CCDC175: variants seen among roughly 807,000 people sequenced by gnomAD.
CCDC175 encodes the protein coiled-coil domain containing 175, also known as coiled-coil domain-containing protein 175.
A neutral mutation model predicts 114.6 loss-of-function variants in CCDC175; 100 were observed. The ratio of observed to expected loss-of-function variants is 0.87; its 90% CI spans 0.74 to 1.03. The LOEUF is 1.03. Among genes scored for constraint, CCDC175 ranks in the 50% least tolerant of loss-of-function variants. CCDC175 has a pLI of 0.00. For missense variants in CCDC175, 880 were observed against 917.8 expected, an observed-to-expected ratio of 0.96 and a Z score of 0.53; for synonymous variants, 306 against 308.7, an observed-to-expected ratio of 0.99 and a Z score of 0.09.
intron 17 of CCDC175, among the ~76,000 whole-genome samples, chr14:59,517,520 C>T (rs922262527): frequency 1.3e-5 from 2 of 152,126 alleles, no homozygotes; most frequent in Non-Finnish European, 2.9e-5. Context: ...TTCTTATACA[C>T]CAATAACAGA....
intron 17 of CCDC175, among the ~76,000 whole-genome samples, chr14:59,519,578 G>C (rs556310555): frequency 6.6e-6 from 1 of 152,326 alleles, no homozygotes; most frequent in African/African-American, 2.4e-5. Flanking sequence ...AAAACGTAAA[G>C]ATTTTAACTG....
chr14:59,511,548 TAAAA>T (rs34490884), intron 18 of CCDC175, among the ~76,000 whole-genome samples: 4 of 94,648 alleles, frequency 4.2e-5, no homozygotes, highest in Admixed American at 1.3e-4. Flanking sequence ...TGATATTTGG[TAAAA>T]AAAAAAAAAA....
chr14:59,510,198 G>T (rs751523964), intron 19 of CCDC175, among the ~76,000 whole-genome samples: 1 of 152,148 alleles, frequency 6.6e-6, no homozygotes, highest in African/African-American at 2.4e-5. Flanking sequence ...CATGAGTCAA[G>T]CATGTTAGAT....
intron 7 of CCDC175, among the ~76,000 whole-genome samples, chr14:59,559,124 A>C (rs17096379): frequency 6.6e-6 from 1 of 152,164 alleles, no homozygotes; most frequent in African/African-American, 2.4e-5. Context: ...CAAAAAAGCA[A>C]CTATAGTCTC....
At chr14:59,525,235 T>C (rs1285823092) in intron 16 of CCDC175, 47 bp downstream of exon 16, 2 of 1,275,086 alleles carry the variant, frequency 1.6e-6, no homozygotes, top group Non-Finnish European at 2.1e-6. Flanking sequence ...ACAGGTCTAG[T>C]CAATTAATCA....
Position 59,561,203 on chromosome 14 carries a change from A to C in CCDC175, c.869T>G (p.Ile290Arg). The change falls in exon 7 of 20, where the codon ATA (isoleucine) becomes AGA (arginine). Residue 290 changes from isoleucine (I) to arginine (R), a missense_variant. Physicochemically the swap from Ile to Arg is moderately conservative, Grantham distance 97 (BLOSUM62 -3). Coordinates refer to ENST00000537690, the MANE Select transcript of CCDC175 (RefSeq NM_001164399.2). ...CCTTATTGATTCGTGTAGTCGTGCTATCTCTAAATTGTGATCACTAAGAAC... is the reference window on the plus strand; with the variant it reads ...CCTTATTGATTCGTGTAGTCGTGCTCTCTCTAAATTGTGATCACTAAGAAC... The part of the protein sequence containing the change: ...AAVLSDHNLE[I>R]ARLHESIRYW... 6.5e-7 allele frequency: 1 copy of C among 1,533,878 alleles called. No individual in the cohort carries two copies. The highest frequency in any genetic ancestry group is 8.7e-7 in the Non-Finnish European group (1 of 1,144,280).
intron 7 of CCDC175, 34 bp from the exon 8 acceptor site, chr14:59,551,470 A>G: frequency 8.7e-7 from 1 of 1,149,322 alleles, no homozygotes; most frequent in Middle Eastern, 2.8e-4. Context: ...GATTCATATA[A>G]GAACATACTT....
chr14:59,538,170 T>C lies in CCDC175; in HGVS notation c.1492-16A>G, dbSNP rs1019698515. On this transcript the variant is annotated splice_polypyrimidine_tract_variant and intron_variant, in intron 12 of 19. Transcript: ENST00000537690. ...TGAAACTGGTCTAATTAGAGAAAAA[T>C]AAGAATTTGTCATTTCTCTTGTAGT... The C allele has an allele frequency of 3.3e-6, 5 of 1,526,934 alleles. No individual in the cohort carries two copies. The highest frequency in any genetic ancestry group is 4.4e-6 in the Non-Finnish European group (5 of 1,142,168). The allele number at this position is 1,526,934 out of a possible 1,614,324, so 94.6% of individuals were successfully genotyped here. A position where few individuals can be genotyped will look rare whatever the true frequency, so the allele number is the denominator to read the frequency against.
At chr14:59,540,164 AGTATTTTACAT>A (rs1894681481) in intron 11 of CCDC175, among the ~76,000 whole-genome samples, 2 of 152,212 alleles carry the variant, frequency 1.3e-5, no homozygotes, top group African/African-American at 4.8e-5. Flanking sequence ...ATCTAAATAC[AGTATTTTACAT>A]GTATCATCTC....
chr14:59,576,589 G>C, intron 1 of CCDC175, 30 bp downstream of exon 1: 2 of 1,398,402 alleles, frequency 1.4e-6, no homozygotes, highest in Non-Finnish European at 1.8e-6. Context: ...CTGAGGAGAC[G>C]TCCCTTCCAG....
At position 59,572,698 on chromosome 14, in the gene CCDC175, G is replaced by T. The variant is rs1036067067; in HGVS notation, c.355+4C>A. The T allele has an allele frequency of 5.5e-6, 8 of 1,442,808 alleles. No homozygotes were observed. Among genetic ancestry groups the T allele is most frequent in the Middle Eastern group, 1.7e-4 (1 of 5,762 alleles). The allele number at this position is 1,442,808 out of a possible 1,614,324, so 89.4% of individuals were successfully genotyped here. The stretch of plus-strand genomic sequence containing the variant: ...ATTTCTAGAGTTGATAACCTCAAAA[G>T]TACCTTCCAATTCCCTCTTAATGCT... On this transcript the variant is annotated splice_donor_region_variant and intron_variant, in intron 3 of 19. Coordinates refer to ENST00000537690, the MANE Select transcript of CCDC175 (RefSeq NM_001164399.2).
intron 15 of CCDC175, among the ~76,000 whole-genome samples, chr14:59,525,666 C>A (rs2139992271): frequency 6.6e-6 from 1 of 152,236 alleles, no homozygotes; most frequent in African/African-American, 2.4e-5. Flanking sequence ...GACAACTTCA[C>A]AAAATAAAAT....
At position 59,531,759 on chromosome 14, in the gene CCDC175, G is replaced by T; in HGVS notation, c.1762+13C>A. 4 of 1,459,202 alleles carry T rather than the reference G, an allele frequency of 2.7e-6. No individual in the cohort carries two copies. The highest frequency in any genetic ancestry group is 3.6e-6 in the Non-Finnish European group (4 of 1,099,270). 90.4% of individuals were successfully genotyped at this position (1,459,202 alleles called of 1,614,324 possible). A position where few individuals can be genotyped will look rare whatever the true frequency, so the allele number is the denominator to read the frequency against. On this transcript the variant is annotated intron_variant, in intron 14 of 19. Transcript: ENST00000537690. ...CTGGGATTGAGTTTAATTACTAAAT[G>T]CTTCATATGTACCTGTAATAATATT... is the stretch of plus-strand genomic sequence containing the variant.
At chr14:59,564,201 C>G (rs1454827143) in intron 5 of CCDC175, among the ~76,000 whole-genome samples, 1 of 152,074 alleles carries the variant, frequency 6.6e-6, no homozygotes, top group Non-Finnish European at 1.5e-5. Context: ...ACCGGATTTA[C>G]AACGTACTAA....
At chr14:59,563,932 A>G in intron 5 of CCDC175, 73 bp from the exon 6 acceptor site, 1 of 984,080 alleles carries the variant, frequency 1.0e-6, no homozygotes, top group Non-Finnish European at 1.3e-6. Context: ...TCTTTTAAAA[A>G]CAGTGTCAAC....
chr14:59,562,091 C>G (rs1264781342), intron 6 of CCDC175, among the ~76,000 whole-genome samples: 1 of 152,204 alleles, frequency 6.6e-6, no homozygotes, highest in African/African-American at 2.4e-5. Flanking sequence ...CCAGAGCTAA[C>G]TGGAATCGTA....
intron 2 of CCDC175, 55 bp from the exon 3 acceptor site, chr14:59,572,868 AT>A: frequency 9.3e-7 from 1 of 1,073,904 alleles, no homozygotes; most frequent in East Asian, 2.7e-5. Context: ...AGTAAGATTG[AT>A]TTCCTAAACA....
Position 59,557,606 on chromosome 14 carries a change from A to T in CCDC175, c.953+3513T>A, listed in dbSNP as rs563055768. Among the ~76,000 whole-genome samples, 12 of 144,088 alleles carry T rather than the reference A, an allele frequency of 8.3e-5. No homozygotes were observed. The South Asian group carries it at 2.8e-3, about 33-fold the overall frequency. The allele number at this position is 144,088 out of a possible 152,430, so 94.5% of individuals were successfully genotyped here. A position where few individuals can be genotyped will look rare whatever the true frequency, so the allele number is the denominator to read the frequency against. On this transcript the variant is annotated intron_variant, in intron 7 of 19. Coordinates refer to ENST00000537690, the MANE Select transcript of CCDC175 (RefSeq NM_001164399.2). ...GTTGTGCACATGTACTCTAGAACTTAAAGTATAAAAAACAAAAAGAAAAAG... is the reference window on the plus strand; with the variant it reads ...GTTGTGCACATGTACTCTAGAACTTTAAGTATAAAAAACAAAAAGAAAAAG...
intron 8 of CCDC175, among the ~76,000 whole-genome samples, chr14:59,546,378 T>C (rs1895108933): frequency 6.6e-6 from 1 of 152,158 alleles, no homozygotes; most frequent in African/African-American, 2.4e-5. Flanking sequence ...GTTCACTACT[T>C]GGGTGACGGG....
Sources: allele counts gnomAD v4.1 joint callset (sites outside exome capture counted in the v4.1 genomes callset), GRCh38; gene constraint gnomAD v4.1.1; transcripts MANE v1.5; gene names NCBI Gene and HGNC (gene_info 2026-07-23, HGNC 2026-07-21).